PCDHGA10: variants seen among roughly 807,000 people sequenced by gnomAD.
PCDHGA10 encodes the protein protocadherin gamma-A10.
Under a neutral mutation model 59.5 loss-of-function variants are expected in PCDHGA10, and 42 were observed. That is an observed-to-expected ratio of 0.71 (90% CI 0.55 to 0.91). The LOEUF is 0.91. Among genes scored for constraint, PCDHGA10 ranks in the 40% least tolerant of loss-of-function variants. PCDHGA10 has a pLI of 0.00. For missense variants in PCDHGA10, 1,111 were observed against 1,198.2 expected, an observed-to-expected ratio of 0.93 and a Z score of 1.07; for synonymous variants, 511 against 517.2, an observed-to-expected ratio of 0.99 and a Z score of 0.16.
chr5:141,489,288 G>A lies in PCDHGA10; in HGVS notation c.2437-5519G>A. 6.3e-7 allele frequency: 1 copy of A among 1,575,870 alleles called. No homozygotes were observed. Among genetic ancestry groups the A allele is most frequent in the Non-Finnish European group, 8.6e-7 (1 of 1,161,152 alleles). On this transcript the variant is annotated intron_variant, in intron 1 of 3. Coordinates refer to ENST00000398610, the MANE Select transcript of PCDHGA10 (RefSeq NM_018913.3). The surrounding 1 kb of genome is among the most constrained non-coding windows in gnomAD (Gnocchi z 4.5). ...AGCTCGCTGGGAAATGGCAAGTGCT[G>A]TGCATGTTGTCCTTGTGCTGCTGGG...
chr5:141,487,127 A>T lies in PCDHGA10; in HGVS notation c.2437-7680A>T. ...GGTCATTGTGGTAAAGGATAGTGGT[A>T]GTCCACCACTCTCTACCTCTGTTAC... On this transcript the variant is annotated intron_variant, in intron 1 of 3. Coordinates refer to ENST00000398610, the MANE Select transcript of PCDHGA10 (RefSeq NM_018913.3). The surrounding 1 kb of genome is among the most constrained non-coding windows in gnomAD (Gnocchi z 5.0). 6.2e-7 allele frequency: 1 copy of T among 1,613,334 alleles called. No individual in the cohort carries two copies. Among genetic ancestry groups the T allele is most frequent in the Admixed American group, 1.7e-5 (1 of 60,026 alleles).
intron 2 of PCDHGA10, among the ~76,000 whole-genome samples, chr5:141,502,194 T>C (rs1470985683): frequency 2.6e-5 from 4 of 152,212 alleles, no homozygotes; most frequent in Non-Finnish European, 4.4e-5. Flanking sequence ...TACAATAATA[T>C]AGAATCCACC....
At chr5:141,471,963 T>C (rs2024084) in intron 1 of PCDHGA10, among the ~76,000 whole-genome samples, 27,680 of 152,068 alleles carry the variant, frequency 0.18, 3,629 homozygotes, top group African/African-American at 0.37. Context: ...GTGGGGTTGG[T>C]TGCATTACTG....
rs2095632557 is a variant in PCDHGA10, at chr5:141,413,378, T to G, written c.203T>G (p.Val68Gly). The G allele has an allele frequency of 6.2e-7, 1 of 1,613,616 alleles. No individual in the cohort carries two copies. Among genetic ancestry groups the G allele is most frequent in the Non-Finnish European group, 8.5e-7 (1 of 1,179,876 alleles). The change falls in exon 1 of 4, where the codon GTC becomes GGC. Residue 68 changes from valine to glycine, a missense_variant. Physicochemically the swap from Val to Gly is moderately radical, Grantham distance 109 (BLOSUM62 -3). Transcript: ENST00000398610. ...CCCCGGGAGCTGGCGGAGCGCGGAG[T>G]CCGCATAGTCTCCAGAGGTAGGACG... ...LAPRELAERGVRIVSRGRTQL... is the reference protein window; with the variant it reads ...LAPRELAERGGRIVSRGRTQL...
At position 141,414,008 on chromosome 5, in the gene PCDHGA10, A is replaced by G. The variant is rs753686379; in HGVS notation, c.833A>G (p.Asn278Ser). ...GCCACCGACAGGGACGAAGGTGCCA[A>G]TGGAGAAGTGACATATTCATTCCGA... ...VTATDRDEGA[N>S]GEVTYSFRKL... Residue 278 changes from asparagine (N) to serine (S), a missense_variant, in exon 1 of 4, where the codon AAT becomes AGT. Coordinates refer to ENST00000398610, the MANE Select transcript of PCDHGA10 (RefSeq NM_018913.3). 4.3e-6 allele frequency: 7 copies of G among 1,613,188 alleles called. No homozygotes were observed. The highest frequency in any genetic ancestry group is 1.6e-4 in the Middle Eastern group (1 of 6,084).
At chr5:141,479,003 C>A (rs2099485569) in intron 1 of PCDHGA10, among the ~76,000 whole-genome samples, 1 of 152,176 alleles carries the variant, frequency 6.6e-6, no homozygotes, top group African/African-American at 2.4e-5. Flanking sequence ...AAACTAATAG[C>A]TTTTTGATAA....
chr5:141,419,540 C>A (rs999461892), intron 1 of PCDHGA10: 4 of 1,612,018 alleles, frequency 2.5e-6, no homozygotes. Flanking sequence ...CAACGCACCG[C>A]GGGTGCTGTA....
chr5:141,471,893 T>G (rs1289667371), intron 1 of PCDHGA10, among the ~76,000 whole-genome samples: 1 of 152,166 alleles, frequency 6.6e-6, no homozygotes, highest in African/African-American at 2.4e-5. Flanking sequence ...CTAGGAAGAT[T>G]GACTACAGAC....
chr5:141,485,949 T>C lies in PCDHGA10; in HGVS notation c.2437-8858T>C. Reference sequence around the variant, plus strand: ...GTGTTGGAGAGCGCACCAGCGGGCATGGTGCTCATCCAGCTCAATGCCTCA... The same window carrying C: ...GTGTTGGAGAGCGCACCAGCGGGCACGGTGCTCATCCAGCTCAATGCCTCA... On this transcript the variant is annotated intron_variant, in intron 1 of 3. Transcript: ENST00000398610. This position sits in a 1 kb window ranked among gnomAD's most constrained non-coding sequence, Gnocchi z 5.7. 2 of 1,614,178 alleles carry C rather than the reference T, an allele frequency of 1.2e-6. No individual in the cohort carries two copies.
chr5:141,501,333 A>ACACACACC (rs1186649373), intron 2 of PCDHGA10, among the ~76,000 whole-genome samples: 1 of 140,020 alleles, frequency 7.1e-6, no homozygotes, highest in African/African-American at 2.6e-5. Context: ...ACACACACAC[A>ACACACACC]CCCCAAACTC....
chr5:141,418,430 T>G (rs1331082135), intron 1 of PCDHGA10: 1 of 1,613,908 alleles, frequency 6.2e-7, no homozygotes, highest in South Asian at 1.1e-5. Flanking sequence ...TGGTGGCAAA[T>G]ATCCAGAATT....
Position 141,491,417 on chromosome 5 carries a change from G to A in PCDHGA10, c.2437-3390G>A, listed in dbSNP as rs200843744. 5 of 1,613,988 alleles carry A rather than the reference G, an allele frequency of 3.1e-6. No homozygotes were observed. The highest frequency in any genetic ancestry group is 1.1e-5 in the South Asian group (1 of 91,092). Reference sequence around the variant, plus strand: ...CAGGGAAACGCAGACGGGGACGGGGGTGGAGGGCAGTGCTGCAGGCGCCAG... The same window carrying A: ...CAGGGAAACGCAGACGGGGACGGGGATGGAGGGCAGTGCTGCAGGCGCCAG... On this transcript the variant is annotated intron_variant, in intron 1 of 3. Transcript: ENST00000398610. The surrounding 1 kb of genome is among the most constrained non-coding windows in gnomAD (Gnocchi z 6.9).
At chr5:141,458,132 G>C (rs2098938269) in intron 1 of PCDHGA10, among the ~76,000 whole-genome samples, 1 of 152,218 alleles carries the variant, frequency 6.6e-6, no homozygotes, top group South Asian at 2.1e-4. Flanking sequence ...GAACCAGGCA[G>C]AGAAAAATGA....
intron 1 of PCDHGA10, chr5:141,479,722 T>C (rs2099504690): frequency 6.6e-6 from 1 of 152,240 alleles, no homozygotes; most frequent in African/African-American, 2.4e-5. Context: ...CCAGCCTTAT[T>C]TTTCTTAAGT....
chr5:141,478,903 C>T lies in PCDHGA10; in HGVS notation c.2437-15904C>T. On this transcript the variant is annotated intron_variant, in intron 1 of 3. Transcript: ENST00000398610. Reference sequence around the variant, plus strand: ...TGGTATCATTTACATTAGGAATAAGCTGCTGGATACCTCTAACCAGTGGCA... The same window carrying T: ...TGGTATCATTTACATTAGGAATAAGTTGCTGGATACCTCTAACCAGTGGCA... 4.2e-6 allele frequency: 4 copies of T among 957,824 alleles called. No homozygotes were observed. The South Asian group carries it at 7.3e-5, about 18-fold the overall frequency. 59.3% of individuals were successfully genotyped at this position (957,824 alleles called of 1,614,324 possible). A position where few individuals can be genotyped will look rare whatever the true frequency, so the allele number is the denominator to read the frequency against.
chr5:141,418,707 G>T (rs2096282239), intron 1 of PCDHGA10: 1 of 1,614,016 alleles, frequency 6.2e-7, no homozygotes, highest in Non-Finnish European at 8.5e-7. Context: ...TCCTTCTTTG[G>T]TGTGGCTGAC....
intron 1 of PCDHGA10, among the ~76,000 whole-genome samples, chr5:141,479,909 A>G (rs2099509651): frequency 6.6e-6 from 1 of 152,160 alleles, no homozygotes; most frequent in South Asian, 2.1e-4. Context: ...AAACACTGTT[A>G]TTTTGTTACT....
At chr5:141,420,214 C>G (rs1356792048) in intron 1 of PCDHGA10, 1 of 1,611,064 alleles carries the variant, frequency 6.2e-7, no homozygotes, top group Admixed American at 1.7e-5. Context: ...ACAAAGATAG[C>G]ATGCTACTGG....
Position 141,422,964 on chromosome 5 carries a change from G to C in PCDHGA10, c.2436+7353G>C, listed in dbSNP as rs375881737. 1.0e-4 allele frequency: 161 copies of C among 1,614,190 alleles called. No individual in the cohort carries two copies. In the African/African-American group the frequency reaches 1.9e-3, roughly 20 times the overall value. ...ACGGCTCCACTGGCGTGGAGCTGGC[G>C]CCCCGCTCTGCGGAACCTGGCTACC... On this transcript the variant is annotated intron_variant, in intron 1 of 3. Coordinates refer to ENST00000398610, the MANE Select transcript of PCDHGA10 (RefSeq NM_018913.3).
Sources: allele counts gnomAD v4.1 joint callset (sites outside exome capture counted in the v4.1 genomes callset), GRCh38; gene constraint gnomAD v4.1.1; non-coding constraint Gnocchi (gnomAD v3.1); transcripts MANE v1.5; gene names NCBI Gene and HGNC (gene_info 2026-07-23, HGNC 2026-07-21).